Variants in FBXL2 observed in about 807,000 individuals in gnomAD.
FBXL2 encodes the protein F-box and leucine rich repeat protein 2, also known as F-box/LRR-repeat protein 2.
In FBXL2, 38 loss-of-function variants were observed where a neutral mutation model predicts 69.2. The observed-to-expected ratio is 0.55, with a 90% CI of 0.42 to 0.72. The LOEUF is 0.72. FBXL2 is among the 30% of genes least tolerant of loss of function. The pLI, the probability that FBXL2 is intolerant of heterozygous loss-of-function variation, is 0.00. For synonymous variants in FBXL2, 192 were observed against 201.3 expected (o/e 0.95, Z 0.39); for missense variants, 354 against 520.3 (o/e 0.68, Z 3.11).
intron 1 of FBXL2, among the ~76,000 whole-genome samples, chr3:33,286,891 G>T (rs1455351894): frequency 6.6e-6 from 1 of 152,198 alleles, no homozygotes; most frequent in South Asian, 2.1e-4. Flanking sequence ...TTGGAAAAGC[G>T]CAGTATTAGA....
the FBXL2 span, chr3:33,409,200 G>A: frequency 6.3e-7 from 1 of 1,596,354 alleles, no homozygotes; most frequent in Non-Finnish European, 8.6e-7. Context: ...TGCAACCTTT[G>A]CTTCTCTTCC....
intron 8 of FBXL2, 44 bp from the exon 9 acceptor site, chr3:33,373,803 C>T: frequency 6.2e-7 from 1 of 1,613,746 alleles, no homozygotes; most frequent in African/African-American, 1.3e-5. Flanking sequence ...CCACTGTTCC[C>T]TCACCTGGAT....
At chr3:33,350,085 T>C (rs2040726027) in intron 2 of FBXL2, among the ~76,000 whole-genome samples, 1 of 151,910 alleles carries the variant, frequency 6.6e-6, no homozygotes, top group Non-Finnish European at 1.5e-5. Flanking sequence ...ATAAAAATAT[T>C]ACAAAAAAGG....
downstream of FBXL2, chr3:33,388,677 A>T (rs993713147): frequency 3.9e-5 from 6 of 152,220 alleles, no homozygotes; most frequent in African/African-American, 1.4e-4. Flanking sequence ...TGGTACAGAA[A>T]ACATGTGGTC....
intron 2 of FBXL2, among the ~76,000 whole-genome samples, chr3:33,313,585 A>G (rs1228774197): frequency 6.6e-6 from 1 of 151,698 alleles, no homozygotes; most frequent in Non-Finnish European, 1.5e-5. Flanking sequence ...ATCTGGGACT[A>G]CAGATACATG....
chr3:33,417,355 C>T, the FBXL2 span, among the ~76,000 whole-genome samples: 1 of 151,834 alleles, frequency 6.6e-6, no homozygotes, highest in Admixed American at 6.6e-5. Context: ...GATTTGCCCA[C>T]TCTGGATACT....
chr3:33,284,710 C>A (rs1040517241), intron 1 of FBXL2, among the ~76,000 whole-genome samples: 2 of 152,124 alleles, frequency 1.3e-5, no homozygotes, highest in Admixed American at 6.5e-5. Context: ...TAAAGACTTG[C>A]TTTATGAATC....
downstream of FBXL2, chr3:33,390,601 A>G: frequency 1.8e-6 from 1 of 565,746 alleles, no homozygotes; most frequent in South Asian, 2.1e-5. Context: ...CAACGCCCGC[A>G]TTCCAACACT....
chr3:33,403,007 G>A lies in FBXL2; in HGVS notation n.1215-227G>A, dbSNP rs914105501. On this transcript the variant is annotated intron_variant and non_coding_transcript_variant, in intron 12 of 12. Coordinates refer to the FBXL2 transcript ENST00000463736. ...AACCAAATGCAAGATTATAAAATGC[G>A]AGACAGCTGACATTTATCAAGCAAC... 28 of 1,024,178 alleles carry A rather than the reference G, an allele frequency of 2.7e-5. 1 individual carries two copies. The East Asian group carries it at 3.0e-4, about 11-fold the overall frequency. 63.4% of individuals were successfully genotyped at this position (1,024,178 alleles called of 1,614,324 possible).
At chr3:33,321,675 C>G (rs1397728750) in intron 2 of FBXL2, among the ~76,000 whole-genome samples, 1 of 152,188 alleles carries the variant, frequency 6.6e-6, no homozygotes, top group Admixed American at 6.5e-5. Flanking sequence ...TTACACAAAG[C>G]TAGATGGTAT....
intron 2 of FBXL2, among the ~76,000 whole-genome samples, chr3:33,319,921 A>T (rs942527417): frequency 3.3e-5 from 5 of 152,192 alleles, no homozygotes; most frequent in African/African-American, 1.2e-4. Flanking sequence ...ATCTCACAGA[A>T]GATGTGCAAG....
intron 12 of FBXL2, among the ~76,000 whole-genome samples, chr3:33,394,191 T>TTTATTATTATTATTATTATTA (rs148929407): frequency 5.4e-4 from 78 of 143,416 alleles, no homozygotes; most frequent in South Asian, 8.9e-4. Flanking sequence ...CTGGCTAATT[T>TTTATTATTATTATTATTATTA]TTATTATTAT....
intron 2 of FBXL2, among the ~76,000 whole-genome samples, chr3:33,304,588 T>G (rs2036561744): frequency 6.6e-6 from 1 of 152,072 alleles, no homozygotes; most frequent in South Asian, 2.1e-4. Context: ...CAGTGTTTTA[T>G]CAGTAAGAGC....
intron 2 of FBXL2, among the ~76,000 whole-genome samples, chr3:33,322,387 A>G (rs566886442): frequency 6.6e-6 from 1 of 152,244 alleles, no homozygotes; most frequent in Non-Finnish European, 1.5e-5. Context: ...CAACTAGGTG[A>G]TGTTTATAAA....
chr3:33,381,712 T>G (rs2043079440), intron 13 of FBXL2, among the ~76,000 whole-genome samples: 2 of 152,202 alleles, frequency 1.3e-5, no homozygotes, highest in Admixed American at 6.5e-5. Flanking sequence ...TCCATTTTAT[T>G]GTAAGTAATC....
At chr3:33,366,789 C>A (rs1471491206) in intron 5 of FBXL2, among the ~76,000 whole-genome samples, 1 of 151,972 alleles carries the variant, frequency 6.6e-6, no homozygotes, top group Non-Finnish European at 1.5e-5. Context: ...ACAGTGAAAC[C>A]CTGTCTCTAC....
intron 12 of FBXL2, chr3:33,396,010 G>C (rs1422849513): frequency 3.5e-6 from 2 of 572,946 alleles, no homozygotes; most frequent in Non-Finnish European, 5.9e-6. Flanking sequence ...TCACCCTAGA[G>C]CTGCCACCTC....
downstream of FBXL2, chr3:33,392,214 G>C (rs2043795581): frequency 5.1e-6 from 1 of 196,774 alleles, no homozygotes; most frequent in Non-Finnish European, 1.0e-5. Context: ...GGAATTTTGT[G>C]TATCTCTTGG....
At chr3:33,300,801 C>T (rs1266924202) in intron 2 of FBXL2, among the ~76,000 whole-genome samples, 5 of 151,594 alleles carry the variant, frequency 3.3e-5, no homozygotes, top group East Asian at 1.9e-4. Flanking sequence ...CTCCACCTCC[C>T]GGGTTCACGC....
Sources: allele counts gnomAD v4.1 joint callset (sites outside exome capture counted in the v4.1 genomes callset), GRCh38; gene constraint gnomAD v4.1.1; transcripts MANE v1.5; gene names NCBI Gene and HGNC (gene_info 2026-07-23, HGNC 2026-07-21).